Variants in MALRD1 observed in about 807,000 individuals in gnomAD.
MALRD1 encodes MAM and LDL receptor class A domain containing 1, also known as MAM and LDL-receptor class A domain-containing protein 1.
In MALRD1, 247 loss-of-function variants were observed where a neutral mutation model predicts 242.1. The observed-to-expected ratio is 1.02, with a 90% confidence interval of 0.92 to 1.13. The LOEUF (loss-of-function observed/expected upper bound fraction) is 1.13, where lower values mean the gene tolerates loss of function less well. MALRD1 is among the 50% of genes most tolerant of loss of function. The probability of loss-of-function intolerance (pLI) is 0.00; values close to 1 mark genes in which losing one functional copy is unlikely to be tolerated. For synonymous variants in MALRD1, 995 were observed against 866.6 expected, an observed-to-expected ratio of 1.15 and a Z score of -2.60; for missense variants, 2,989 against 2,533.1, an observed-to-expected ratio of 1.18 and a Z score of -3.86.
intron 36 of MALRD1, among the ~76,000 whole-genome samples, chr10:19,627,454 A>G (rs983094155): frequency 2.0e-5 from 3 of 151,948 alleles, no homozygotes; most frequent in Non-Finnish European, 4.4e-5. Context: ...AAACAATAAC[A>G]GGGCCACGTG....
At chr10:19,246,618 A>C (rs905865057) in intron 18 of MALRD1, among the ~76,000 whole-genome samples, 9 of 152,108 alleles carry the variant, frequency 5.9e-5, no homozygotes, top group African/African-American at 2.2e-4. Context: ...CAAGAACAAA[A>C]AATAGAACTC....
intron 36 of MALRD1, among the ~76,000 whole-genome samples, chr10:19,680,693 T>C (rs946509343): frequency 1.3e-5 from 2 of 152,148 alleles, no homozygotes; most frequent in Non-Finnish European, 2.9e-5. Context: ...TGCTAGCTGG[T>C]TCTTTTGCAG....
At chr10:19,351,702 C>G (rs1844383880) in intron 25 of MALRD1, among the ~76,000 whole-genome samples, 1 of 152,108 alleles carries the variant, frequency 6.6e-6, no homozygotes, top group Non-Finnish European at 1.5e-5. Context: ...ACAATGGGCT[C>G]TAAGAGTTTA....
At chr10:19,519,318 C>T (rs189352074) in intron 31 of MALRD1, among the ~76,000 whole-genome samples, 31 of 152,046 alleles carry the variant, frequency 2.0e-4, no homozygotes, top group Admixed American at 5.2e-4. Context: ...TCCTATTATG[C>T]CACCAAAACA....
At chr10:19,610,649 C>A (rs1404900273) in intron 35 of MALRD1, among the ~76,000 whole-genome samples, 4 of 151,878 alleles carry the variant, frequency 2.6e-5, no homozygotes, top group African/African-American at 9.7e-5. Context: ...TTTGTATGCC[C>A]ACAGCATCAA....
intron 5 of MALRD1, among the ~76,000 whole-genome samples, chr10:19,106,868 A>G (rs1007301390): frequency 2.6e-5 from 4 of 151,948 alleles, no homozygotes; most frequent in African/African-American, 7.2e-5. Flanking sequence ...TAAATGTTCT[A>G]TTTAATTTCA....
chr10:19,140,229 A>G (rs926857600), intron 10 of MALRD1, among the ~76,000 whole-genome samples: 1 of 152,128 alleles, frequency 6.6e-6, no homozygotes, highest in Non-Finnish European at 1.5e-5. Flanking sequence ...GCTTTTCATG[A>G]TCCAGAATTT....
intron 19 of MALRD1, among the ~76,000 whole-genome samples, chr10:19,270,336 T>TCACACACACACA (rs200537040): frequency 3.1e-5 from 4 of 130,962 alleles, no homozygotes; most frequent in African/African-American, 1.1e-4. Context: ...TCTCTCTCTC[T>TCACACACACACA]CACACACACA....
chr10:19,131,047 G>A (rs1378555365), intron 8 of MALRD1, among the ~76,000 whole-genome samples: 1 of 152,030 alleles, frequency 6.6e-6, no homozygotes, highest in Non-Finnish European at 1.5e-5. Context: ...TATCCTGTGA[G>A]GTGTCCTGTC....
At chr10:19,123,674 C>T (rs537033588) in intron 6 of MALRD1, 81 bp downstream of exon 6, 36 of 772,386 alleles carry the variant, frequency 4.7e-5, no homozygotes, top group Admixed American at 2.2e-4. Flanking sequence ...AAAGTGCACG[C>T]GCCAACCTTT....
At chr10:19,339,398 C>T (rs913618613) in intron 24 of MALRD1, among the ~76,000 whole-genome samples, 1 of 152,088 alleles carries the variant, frequency 6.6e-6, no homozygotes, top group South Asian at 2.1e-4. Context: ...ACGTTTTCAA[C>T]ATTTTGCCCA....
chr10:19,065,784 T>C (rs1224544636), intron 1 of MALRD1, among the ~76,000 whole-genome samples: 2 of 152,182 alleles, frequency 1.3e-5, no homozygotes, highest in Non-Finnish European at 2.9e-5. Flanking sequence ...AATGTCTTTA[T>C]TGTGATTGAA....
intron 18 of MALRD1, among the ~76,000 whole-genome samples, chr10:19,245,821 T>C (rs964567918): frequency 1.3e-5 from 2 of 152,190 alleles, no homozygotes; most frequent in Non-Finnish European, 2.9e-5. Context: ...TTAAATGATA[T>C]GTAAAGTAAG....
At chr10:19,592,497 T>A (rs1837847124) in intron 33 of MALRD1, among the ~76,000 whole-genome samples, 1 of 152,092 alleles carries the variant, frequency 6.6e-6, no homozygotes, top group Non-Finnish European at 1.5e-5. Context: ...TCTGGCAACC[T>A]CCCAGGAGCT....
intron 38 of MALRD1, among the ~76,000 whole-genome samples, chr10:19,719,223 C>CATACATATATATATATAT (rs1176551831): frequency 5.2e-5 from 4 of 76,422 alleles, no homozygotes; most frequent in African/African-American, 2.3e-4. Flanking sequence ...CACATACATA[C>CATACATATATATATATAT]ATATATATAT....
At chr10:19,262,715 T>C (rs1458924980) in intron 19 of MALRD1, among the ~76,000 whole-genome samples, 1 of 150,626 alleles carries the variant, frequency 6.6e-6, no homozygotes, top group Non-Finnish European at 1.5e-5. Context: ...CTGTACAATA[T>C]CTTGCTGCTG....
Position 19,465,936 on chromosome 10 carries a change from G to A in MALRD1, c.5029+15446G>A, listed in dbSNP as rs553293095. The stretch of plus-strand genomic sequence containing the variant: ...GTTCCTTTCCTTTTTCAATTTAGGT[G>A]AAATAATTTGTCAATTTCTTTAAAT... On this transcript the variant is annotated intron_variant, in intron 29 of 39. Transcript: ENST00000454679. Among the ~76,000 whole-genome samples the A allele has an allele frequency of 4.6e-5, 7 of 152,208 alleles. No homozygotes were observed. In the South Asian group the frequency reaches 1.0e-3, roughly 23 times the overall value.
At chr10:19,644,777 T>A (rs1398744667) in intron 36 of MALRD1, among the ~76,000 whole-genome samples, 2 of 152,184 alleles carry the variant, frequency 1.3e-5, no homozygotes, top group Non-Finnish European at 2.9e-5. Flanking sequence ...GGATTAGACA[T>A]ACATTCCTAA....
intron 26 of MALRD1, among the ~76,000 whole-genome samples, chr10:19,358,784 A>G (rs1052842207): frequency 1.3e-5 from 2 of 152,186 alleles, no homozygotes; most frequent in African/African-American, 4.8e-5. Context: ...TAAGGAGACT[A>G]TGAAATTAAA....
Sources: allele counts gnomAD v4.1 joint callset (sites outside exome capture counted in the v4.1 genomes callset), GRCh38; gene constraint gnomAD v4.1.1; transcripts MANE v1.5; gene names NCBI Gene and HGNC (gene_info 2026-07-23, HGNC 2026-07-21).